Variants in GRIK5 observed in about 807,000 individuals in gnomAD.
The protein encoded by GRIK5 is glutamate receptor ionotropic, kainate 5.
GRIK5 carries 43 observed loss-of-function variants against 97.4 expected under a neutral mutation model. That is an observed-to-expected ratio of 0.44 (90% CI 0.35 to 0.57). The LOEUF is 0.57. Among genes scored for constraint, GRIK5 ranks in the 20% least tolerant of loss-of-function variants. The probability of loss-of-function intolerance (pLI) is 0.01; values close to 1 mark genes in which losing one functional copy is unlikely to be tolerated. For synonymous variants in GRIK5, 580 were observed against 583.5 expected, an observed-to-expected ratio of 0.99 and a Z score of 0.09; for missense variants, 1,015 against 1,382.0, an observed-to-expected ratio of 0.73 and a Z score of 4.21.
At chr19:42,004,216 A>T (rs1555871846) in intron 17 of GRIK5, among the ~76,000 whole-genome samples, 1 of 152,138 alleles carries the variant, frequency 6.6e-6, no homozygotes, top group African/African-American at 2.4e-5. Flanking sequence ...CTAACACTGT[A>T]TTATATGGCT....
chr19:42,033,187 G>A lies in GRIK5; in HGVS notation c.1473+9365C>T, dbSNP rs563428247. ...ACAAAAATTAGCCGGGTGTGGTGGC[G>A]TGTGCCCGTAGTCCCAGTTACTCAG... On this transcript the variant is annotated intron_variant, in intron 12 of 19. Transcript: ENST00000593562. 1.8e-3 allele frequency among the ~76,000 whole-genome samples: 268 copies of A among 152,096 alleles called. 2 individuals are homozygous for A. The highest frequency in any genetic ancestry group is 1.1e-3 in the Non-Finnish European group (78 of 68,006).
chr19:42,069,109 G>A, intron 1 of GRIK5, 132 bp downstream of exon 1: 1 of 429,642 alleles, frequency 2.3e-6, no homozygotes, highest in South Asian at 6.1e-5. Context: ...GCGCAGAGCA[G>A]GCCCCTAGTG....
intron 12 of GRIK5, among the ~76,000 whole-genome samples, chr19:42,040,631 C>T (rs184059343): frequency 2.6e-4 from 40 of 152,048 alleles, no homozygotes; most frequent in Admixed American, 2.3e-3. Context: ...GTGAGGTGGG[C>T]GGATCACTTG....
intron 1 of GRIK5, chr19:42,068,443 A>C: frequency 3.2e-6 from 1 of 310,590 alleles, no homozygotes. Flanking sequence ...CCAGCCAGGA[A>C]AAGTCAGCAT....
At chr19:42,028,316 T>C (rs566767816) in intron 12 of GRIK5, among the ~76,000 whole-genome samples, 1 of 152,230 alleles carries the variant, frequency 6.6e-6, no homozygotes, top group South Asian at 2.1e-4. Context: ...AAAGCACTTG[T>C]GATAGTCCCT....
chr19:41,998,961 C>A lies in GRIK5; in HGVS notation c.2853G>T (p.Pro951=). The A allele has an allele frequency of 8.9e-7, 1 of 1,129,632 alleles. No homozygotes were observed. The highest frequency in any genetic ancestry group is 1.1e-6 in the Non-Finnish European group (1 of 924,016). The allele number at this position is 1,129,632 out of a possible 1,614,324, so 70.0% of individuals were successfully genotyped here. ...ALRASGAGAP[P]RGLGVPAEAT... ...CTTCGGCGGGGACGCCCAGGCCACGCGGAGGCGCGCCGGCCCCCGAGGCCC... is the reference window on the plus strand; with the variant it reads ...CTTCGGCGGGGACGCCCAGGCCACGAGGAGGCGCGCCGGCCCCCGAGGCCC... Residue 951 remains proline (P), a synonymous_variant, in exon 20 of 20, where the codon CCG becomes CCT. Coordinates refer to ENST00000593562, the MANE Select transcript of GRIK5 (RefSeq NM_002088.5).
chr19:42,014,756 A>G (rs1454146769), intron 15 of GRIK5, among the ~76,000 whole-genome samples: 1 of 152,010 alleles, frequency 6.6e-6, no homozygotes, highest in Non-Finnish European at 1.5e-5. Flanking sequence ...GCACTCCCCA[A>G]TACTCACCAC....
chr19:42,050,669 AAAAAAAATT>A (rs2076103436), intron 11 of GRIK5, among the ~76,000 whole-genome samples: 1 of 151,830 alleles, frequency 6.6e-6, no homozygotes, highest in African/African-American at 2.4e-5. Context: ...AAAAAAAAAA[AAAAAAAATT>A]AAAAAATAAT....
intron 12 of GRIK5, among the ~76,000 whole-genome samples, chr19:42,029,451 T>TA (rs2075814860): frequency 6.6e-6 from 1 of 151,514 alleles, no homozygotes; most frequent in Non-Finnish European, 1.5e-5. Flanking sequence ...CTACTAAAAA[T>TA]ACAAAAATTA....
chr19:42,038,271 C>T (rs1317799719), intron 12 of GRIK5, among the ~76,000 whole-genome samples: 1 of 152,144 alleles, frequency 6.6e-6, no homozygotes, highest in African/African-American at 2.4e-5. Flanking sequence ...GCCATGGCCA[C>T]TGGGTGGAAA....
At position 42,065,983 on chromosome 19, in the gene GRIK5, G is replaced by C. The variant is rs1274426750; in HGVS notation, c.-50-163C>G. On this transcript the variant is annotated intron_variant, in intron 1 of 19. Coordinates refer to ENST00000593562, the MANE Select transcript of GRIK5 (RefSeq NM_002088.5). This position sits in a 1 kb window ranked among gnomAD's most constrained non-coding sequence, Gnocchi z 5.8. ...TCTGTTTAGAAGCTGGCAATACTGAGGGCATTGCAAGAAGGGAAGCTCAGC... is the reference window on the plus strand; with the variant it reads ...TCTGTTTAGAAGCTGGCAATACTGACGGCATTGCAAGAAGGGAAGCTCAGC... Among the ~76,000 whole-genome samples, 1 of 152,184 alleles carries C rather than the reference G, an allele frequency of 6.6e-6. No individual in the cohort carries two copies. Among genetic ancestry groups the C allele is most frequent in the Non-Finnish European group, 1.5e-5 (1 of 68,038 alleles).
rs111726416 is a variant in GRIK5 at position 42,024,375 on chromosome 19, G to A, written c.1474-2021C>T. Among the ~76,000 whole-genome samples, 365 of 152,224 alleles carry A rather than the reference G, an allele frequency of 2.4e-3. 6 individuals are homozygous for A. The highest frequency in any genetic ancestry group is 8.3e-3 in the African/African-American group (343 of 41,546). On this transcript the variant is annotated intron_variant, in intron 12 of 19. Coordinates refer to ENST00000593562, the MANE Select transcript of GRIK5 (RefSeq NM_002088.5). ...TTACAGGGGCATGCCACCATGCCCG[G>A]CTGATTTTTGTATTTTTTGTAGAGA...
At chr19:42,054,970 A>C (rs146998723) in intron 8 of GRIK5, among the ~76,000 whole-genome samples, 19 of 152,294 alleles carry the variant, frequency 1.2e-4, no homozygotes, top group African/African-American at 4.1e-4. Context: ...TCAGAGCTAG[A>C]GGCCTGGCTC....
intron 12 of GRIK5, among the ~76,000 whole-genome samples, chr19:42,024,270 T>G (rs2075741110): frequency 2.0e-5 from 3 of 150,658 alleles, no homozygotes; most frequent in Non-Finnish European, 4.4e-5. Flanking sequence ...TGGAGTGCAC[T>G]GGTGCAATCT....
In GRIK5 at chr19:42,021,910, C is replaced by T; in HGVS notation, c.1697+37G>A. 6.9e-7 allele frequency: 1 copy of T among 1,454,992 alleles called. No individual in the cohort carries two copies. Among genetic ancestry groups the T allele is most frequent in the East Asian group, 2.4e-5 (1 of 42,342 alleles). The allele number at this position is 1,454,992 out of a possible 1,614,324, so 90.1% of individuals were successfully genotyped here. A position where few individuals can be genotyped will look rare whatever the true frequency, so the allele number is the denominator to read the frequency against. The stretch of plus-strand genomic sequence containing the variant: ...TCCCAGAGGCCTCGGCTCGTGCCTC[C>T]TCCAGCCCCTTCCTTCCCAGTAGGC... On this transcript the variant is annotated intron_variant, in intron 14 of 19. Coordinates refer to ENST00000593562, the MANE Select transcript of GRIK5 (RefSeq NM_002088.5). This position sits in a 1 kb window ranked among gnomAD's most constrained non-coding sequence, Gnocchi z 4.2.
In GRIK5 at chr19:42,062,922, A is replaced by G. The variant is rs2076280099; in HGVS notation, c.245-67T>C. 15 of 1,211,110 alleles carry G rather than the reference A, an allele frequency of 1.2e-5. No homozygotes were observed. The highest frequency in any genetic ancestry group is 8.7e-5 in the Admixed American group (5 of 57,726). The allele number at this position is 1,211,110 out of a possible 1,614,324, so 75.0% of individuals were successfully genotyped here. The stretch of plus-strand genomic sequence containing the variant: ...TGCCTCCTCTCCTTCCCCATCCCTC[A>G]GGGAGCCGCCATGGCCCAGGAGAGG... On this transcript the variant is annotated intron_variant, in intron 3 of 19. Coordinates refer to ENST00000593562, the MANE Select transcript of GRIK5 (RefSeq NM_002088.5). This position sits in a 1 kb window ranked among gnomAD's most constrained non-coding sequence, Gnocchi z 5.3.
chr19:42,020,876 T>C (rs2075687408), intron 15 of GRIK5, among the ~76,000 whole-genome samples: 1 of 151,702 alleles, frequency 6.6e-6, no homozygotes, highest in African/African-American at 2.4e-5. Flanking sequence ...GTCTTTGGAG[T>C]AGTCATTCTT....
chr19:42,053,962 G>A (rs763887874), intron 9 of GRIK5, 33 bp from the exon 10 acceptor site: 1 of 1,457,902 alleles, frequency 6.9e-7, no homozygotes, highest in East Asian at 2.3e-5. Context: ...CAGAGGGAGA[G>A]TGCAGGGGCC....
At chr19:42,066,749 G>A (rs139998675) in intron 1 of GRIK5, among the ~76,000 whole-genome samples, 1 of 152,062 alleles carries the variant, frequency 6.6e-6, no homozygotes, top group East Asian at 1.9e-4. Context: ...AGGGAGCGGA[G>A]GAAAGAGGGG....
Sources: gnomAD v4.1 joint callset for allele counts (sites outside exome capture counted in the v4.1 genomes callset) on GRCh38, gnomAD v4.1.1 for gene constraint, Gnocchi (gnomAD v3.1) non-coding constraint, MANE v1.5 for transcripts, NCBI Gene and HGNC (gene_info 2026-07-23, HGNC 2026-07-21) for gene names.